Variants in GRAMD2A observed in about 807,000 individuals in gnomAD.
GRAMD2A encodes GRAM domain containing 2A.
Under a neutral mutation model 51.1 loss-of-function variants are expected in GRAMD2A, and 37 were observed. The ratio of observed to expected loss-of-function variants is 0.72; its 90% CI spans 0.56 to 0.95. GRAMD2A has a LOEUF of 0.95. Among genes scored for constraint, GRAMD2A ranks in the 40% least tolerant of loss-of-function variants. The pLI is 0.00. For missense variants in GRAMD2A, 414 were observed against 426.9 expected, an observed-to-expected ratio of 0.97 and a Z score of 0.27; for synonymous variants, 136 against 157.1, an observed-to-expected ratio of 0.87 and a Z score of 1.01.
intron 1 of GRAMD2A, among the ~76,000 whole-genome samples, chr15:72,178,810 G>A (rs1312767152): frequency 6.6e-6 from 1 of 151,934 alleles, no homozygotes; most frequent in Non-Finnish European, 1.5e-5. Flanking sequence ...TCCTGACCTT[G>A]TGATCCGCCC....
rs566588199 is a variant in GRAMD2A at position 72,164,266 on chromosome 15, C to T, written c.601-509G>A. On this transcript the variant is annotated intron_variant, in intron 8 of 11. Coordinates refer to ENST00000309731, the MANE Select transcript of GRAMD2A (RefSeq NM_001012642.3). ...TTCAAACACCCCAGGGTCATTTCTA[C>T]GCCATCCCTGCCCTAGAAACTCAGT... 4.6e-5 allele frequency among the ~76,000 whole-genome samples: 7 copies of T among 152,266 alleles called. No homozygotes were observed. The South Asian group carries it at 6.2e-4, about 14-fold the overall frequency.
intron 1 of GRAMD2A, among the ~76,000 whole-genome samples, chr15:72,188,301 C>A (rs139510176): frequency 6.6e-6 from 1 of 150,944 alleles, no homozygotes; most frequent in East Asian, 1.9e-4. Flanking sequence ...CCTCCTACTG[C>A]ACTCCAGCCT....
chr15:72,163,962 A>G (rs1348616291), intron 8 of GRAMD2A: 3 of 534,102 alleles, frequency 5.6e-6, no homozygotes, highest in African/African-American at 3.9e-5. Flanking sequence ...GTGACTAGCT[A>G]TTCTGCCAGC....
chr15:72,180,694 G>A (rs144258554), intron 1 of GRAMD2A, among the ~76,000 whole-genome samples: 1,746 of 152,344 alleles, frequency 0.011, 57 homozygotes, highest in Admixed American at 0.056. Flanking sequence ...GGTCCTGAAA[G>A]AGCCTGGAGT....
intron 1 of GRAMD2A, among the ~76,000 whole-genome samples, chr15:72,178,699 G>A (rs548437918): frequency 1.8e-4 from 27 of 148,952 alleles, no homozygotes; most frequent in Non-Finnish European, 3.6e-4. Context: ...CTCAGCCTCC[G>A]GAGTAGCTGG....
chr15:72,179,748 C>G (rs1286715959), intron 1 of GRAMD2A, among the ~76,000 whole-genome samples: 1 of 152,320 alleles, frequency 6.6e-6, no homozygotes, highest in East Asian at 1.9e-4. Context: ...AGGACGTCCC[C>G]GACTAGCACT....
At chr15:72,175,820 A>G (rs1185267174) in intron 1 of GRAMD2A, 1 of 152,396 alleles carries the variant, frequency 6.6e-6, no homozygotes, top group Non-Finnish European at 1.5e-5. Context: ...GCCAGCACCC[A>G]GTGTTTGCTG....
intron 1 of GRAMD2A, chr15:72,173,436 C>T (rs2081628493): frequency 6.6e-6 from 1 of 152,204 alleles, no homozygotes; most frequent in Non-Finnish European, 1.5e-5. Flanking sequence ...CTCTGCTCAG[C>T]ATCTGTCACA....
intron 1 of GRAMD2A, 21 bp downstream of exon 1, chr15:72,197,710 C>T (rs2081821819): frequency 7.6e-7 from 1 of 1,315,116 alleles, no homozygotes; most frequent in Non-Finnish European, 9.7e-7. Context: ...CGAGACCGGC[C>T]CCCGGGCCGC....
intron 1 of GRAMD2A, among the ~76,000 whole-genome samples, chr15:72,191,205 C>CT (rs79752612): frequency 4.6e-4 from 68 of 146,260 alleles, no homozygotes; most frequent in Middle Eastern, 3.6e-3. Flanking sequence ...GGGAACACAT[C>CT]TTTTTTTTTT....
chr15:72,193,232 CTTTT>C (rs1233869892), intron 1 of GRAMD2A, among the ~76,000 whole-genome samples: 2 of 144,844 alleles, frequency 1.4e-5, no homozygotes, highest in Admixed American at 6.9e-5. Flanking sequence ...CCAATCATTT[CTTTT>C]TTTTTTTTCA....
rs2081820945 is a variant in GRAMD2A, at chr15:72,197,675, C to T, written c.41+56G>A. The T allele has an allele frequency of 8.8e-6, 11 of 1,249,314 alleles. No individual in the cohort carries two copies. The South Asian group carries it at 1.7e-4, about 19-fold the overall frequency. The allele number at this position is 1,249,314 out of a possible 1,614,324, so 77.4% of individuals were successfully genotyped here. ...CCGTCCTGCCCCGCGCGGCAGCAGC[C>T]CCTCGCGGCGGCCTCCGGAACCCCC... On this transcript the variant is annotated intron_variant, in intron 1 of 11. Transcript: ENST00000309731.
intron 4 of GRAMD2A, 63 bp downstream of exon 4, chr15:72,168,428 A>G (rs1271916987): frequency 8.4e-7 from 1 of 1,193,638 alleles, no homozygotes; most frequent in African/African-American, 1.5e-5. Context: ...GAGGCTCCAG[A>G]GCAGAGGCCC....
intron 2 of GRAMD2A, 188 bp from the exon 3 acceptor site, chr15:72,169,184 TG>T: frequency 1.6e-6 from 1 of 617,510 alleles, no homozygotes; most frequent in South Asian, 1.9e-5. Context: ...AGCTCATCCC[TG>T]GGGGAGGGCA....
At chr15:72,197,046 G>C (rs2081810197) in intron 1 of GRAMD2A, among the ~76,000 whole-genome samples, 2 of 152,198 alleles carry the variant, frequency 1.3e-5, no homozygotes, top group African/African-American at 4.8e-5. Flanking sequence ...TCAAGCAGCA[G>C]AAACCACAAT....
chr15:72,186,386 G>A (rs1247377980), intron 1 of GRAMD2A, among the ~76,000 whole-genome samples: 3 of 150,528 alleles, frequency 2.0e-5, no homozygotes, highest in Non-Finnish European at 4.4e-5. Flanking sequence ...GTACAGTGGC[G>A]CCATCTCGGC....
chr15:72,167,041 G>A lies in GRAMD2A; in HGVS notation c.424C>T (p.Arg142Trp), dbSNP rs141536149. 2.8e-4 allele frequency: 459 copies of A among 1,614,048 alleles called. 1 individual carries two copies. The highest frequency in any genetic ancestry group is 9.9e-4 in the Middle Eastern group (6 of 6,058). ...VQMIKKHKMA[R>W]LLPNGLAITT... ...ATGGCCAGTCCATTGGGAAGGAGCC[G>A]TGCCATCTTGTGTTTTTTGATCATT... Residue 142 changes from arginine to tryptophan, a missense_variant, in exon 6 of 12, where the codon CGG (arginine) becomes TGG (tryptophan). By Grantham distance (101) the Arg-to-Trp change is moderately radical. Coordinates refer to ENST00000309731, the MANE Select transcript of GRAMD2A (RefSeq NM_001012642.3).
chr15:72,182,110 A>C (rs981739285), intron 1 of GRAMD2A, among the ~76,000 whole-genome samples: 2 of 152,196 alleles, frequency 1.3e-5, no homozygotes, highest in Admixed American at 6.5e-5. Context: ...CATGCCTGTA[A>C]TCCCAACACT....
At chr15:72,184,268 GA>G (rs1184610646) in intron 1 of GRAMD2A, among the ~76,000 whole-genome samples, 1 of 152,262 alleles carries the variant, frequency 6.6e-6, no homozygotes, top group East Asian at 1.9e-4. Context: ...GCCTGCCTTG[GA>G]AAGGGCTGGG....
Sources: gnomAD v4.1 joint callset for allele counts (sites outside exome capture counted in the v4.1 genomes callset) on GRCh38, gnomAD v4.1.1 for gene constraint, MANE v1.5 for transcripts, NCBI Gene and HGNC (gene_info 2026-07-23, HGNC 2026-07-21) for gene names.